Variants in DOCK2 observed in about 807,000 individuals in gnomAD.
The protein encoded by DOCK2 is dedicator of cytokinesis 2.
In DOCK2, 87 loss-of-function variants were observed where a neutral mutation model predicts 248.9. The observed-to-expected ratio is 0.35, with a 90% CI of 0.29 to 0.42. The LOEUF (loss-of-function observed/expected upper bound fraction) is 0.42, where lower values mean the gene tolerates loss of function less well. Among genes scored for constraint, DOCK2 ranks in the 10% least tolerant of loss-of-function variants. The pLI is 1.00. For missense variants in DOCK2, 1,747 were observed against 2,300.2 expected (o/e 0.76, Z 4.92); for synonymous variants, 805 against 821.6 (o/e 0.98, Z 0.35).
intron 32 of DOCK2, among the ~76,000 whole-genome samples, chr5:170,015,709 A>G (rs891345401): frequency 3.3e-5 from 5 of 151,878 alleles, no homozygotes; most frequent in African/African-American, 1.2e-4. Context: ...CTTTGGAGAG[A>G]CCTTTCTGTT....
At chr5:169,838,888 A>G (rs963226804) in intron 26 of DOCK2, among the ~76,000 whole-genome samples, 13 of 152,208 alleles carry the variant, frequency 8.5e-5, no homozygotes, top group African/African-American at 2.9e-4. Flanking sequence ...AGCCACTGAA[A>G]GTCATTGGGG....
Position 169,716,269 on chromosome 5 carries a change from T to C in DOCK2, c.1998T>C (p.Ser666=). 1 of 1,613,738 alleles carries C rather than the reference T, an allele frequency of 6.2e-7. No homozygotes were observed. The highest frequency in any genetic ancestry group is 8.5e-7 in the Non-Finnish European group (1 of 1,179,702). Residue 666 remains serine, a synonymous_variant, in exon 20 of 52, where the codon AGT becomes AGC. Transcript: ENST00000520908. ...LFNIMMEHSQ[S]DEYDILVFDA... is the part of the protein sequence containing the mutation. ...ACATCATGATGGAGCATTCTCAAAG[T>C]GATGAATATGACATCCTCGTCTTTG...
intron 9 of DOCK2, among the ~76,000 whole-genome samples, chr5:169,693,976 A>C (rs1054717440): frequency 7.9e-5 from 12 of 152,208 alleles, no homozygotes; most frequent in African/African-American, 2.9e-4. Context: ...GGTCTACAAA[A>C]TACCTTCATA....
chr5:169,732,134 AC>A (rs1445523928), intron 22 of DOCK2, among the ~76,000 whole-genome samples: 1 of 151,902 alleles, frequency 6.6e-6, no homozygotes, highest in Admixed American at 6.6e-5. Context: ...AAAACAAAAA[AC>A]AATAACCATA....
At chr5:169,948,504 C>A (rs554423960) in intron 27 of DOCK2, among the ~76,000 whole-genome samples, 1 of 152,072 alleles carries the variant, frequency 6.6e-6, no homozygotes, top group African/African-American at 2.4e-5. Context: ...TGACTATCAT[C>A]TACCTACACA....
chr5:170,028,974 C>T (rs1386930140), intron 34 of DOCK2, among the ~76,000 whole-genome samples: 1 of 152,142 alleles, frequency 6.6e-6, no homozygotes, highest in Non-Finnish European at 1.5e-5. Context: ...TTATTCATCT[C>T]TCAGTTAATG....
At chr5:169,834,420 C>T (rs34933889) in intron 26 of DOCK2, among the ~76,000 whole-genome samples, 47 of 1,866 alleles carry the variant, frequency 0.025, no homozygotes, top group Admixed American at 0.026. Flanking sequence ...AGACCACAAG[C>T]CCTACTCACA....
chr5:170,022,763 C>T (rs1323895297), intron 33 of DOCK2, among the ~76,000 whole-genome samples: 5 of 152,146 alleles, frequency 3.3e-5, no homozygotes, highest in Non-Finnish European at 7.3e-5. Flanking sequence ...AGACTGTGAG[C>T]TCTTGAGGGC....
At chr5:169,759,913 G>A in intron 24 of DOCK2, 138 bp downstream of exon 24, 2 of 885,248 alleles carry the variant, frequency 2.3e-6, no homozygotes, top group Admixed American at 5.3e-5. Context: ...ATGTTTTCAG[G>A]GTTTCCGGTG....
intron 27 of DOCK2, among the ~76,000 whole-genome samples, chr5:169,934,349 G>C (rs1159660363): frequency 2.0e-5 from 3 of 152,142 alleles, no homozygotes; most frequent in East Asian, 1.9e-4. Flanking sequence ...GTTGTCCCCG[G>C]AGTGGATCAT....
chr5:169,876,173 C>T (rs551796603), intron 27 of DOCK2, among the ~76,000 whole-genome samples: 4 of 152,314 alleles, frequency 2.6e-5, no homozygotes, highest in Middle Eastern at 3.4e-3. Context: ...TCTTTCTCTG[C>T]GGCCCTTGTG....
intron 27 of DOCK2, among the ~76,000 whole-genome samples, chr5:169,977,816 A>C (rs569698350): frequency 3.0e-4 from 45 of 152,302 alleles, no homozygotes; most frequent in African/African-American, 1.0e-3. Context: ...TAAAGCTCTA[A>C]AATGAATAGG....
At chr5:170,078,466 A>T (rs1406200213) in intron 48 of DOCK2, among the ~76,000 whole-genome samples, 2 of 152,198 alleles carry the variant, frequency 1.3e-5, no homozygotes, top group Non-Finnish European at 2.9e-5. Context: ...TGCCCAACTC[A>T]TCTGTTCTAA....
rs772090087 is a variant in DOCK2, at chr5:170,067,601, A to T, written c.4559A>T (p.Glu1520Val). Reference sequence around the variant, plus strand: ...ATGATAAACCAGTACCAGAGTGATGAGACCCTCCCCATCAACCCACTCTCC... The same window carrying T: ...ATGATAAACCAGTACCAGAGTGATGTGACCCTCCCCATCAACCCACTCTCC... ...LMMINQYQSD[E>V]TLPINPLSML... The change falls in exon 45 of 52, where the codon GAG (glutamate) becomes GTG (valine). Residue 1520 changes from glutamate to valine, a missense_variant. This residue lies in a region of DOCK2 where 513 missense variants were observed against 586.1 expected (regional missense o/e 0.88). Transcript: ENST00000520908. The T allele has an allele frequency of 1.2e-6, 2 of 1,614,186 alleles. No individual in the cohort carries two copies. Among genetic ancestry groups the T allele is most frequent in the Non-Finnish European group, 1.7e-6 (2 of 1,180,020 alleles).
At chr5:169,854,897 G>T (rs1425607276) in intron 27 of DOCK2, among the ~76,000 whole-genome samples, 2 of 152,246 alleles carry the variant, frequency 1.3e-5, no homozygotes, top group South Asian at 2.1e-4. Context: ...CCTGCACAAT[G>T]TGCTCTGGGT....
chr5:169,753,224 C>T (rs2113710099), intron 23 of DOCK2, among the ~76,000 whole-genome samples: 1 of 152,274 alleles, frequency 6.6e-6, no homozygotes, highest in South Asian at 2.1e-4. Flanking sequence ...CCATGACATA[C>T]CTGCACAGAA....
chr5:169,938,134 C>T (rs1776074862), intron 27 of DOCK2, among the ~76,000 whole-genome samples: 1 of 152,200 alleles, frequency 6.6e-6, no homozygotes, highest in South Asian at 2.1e-4. Flanking sequence ...ACAAAATGCT[C>T]CCTGCCTCTC....
chr5:169,999,093 T>G (rs1754745554), intron 30 of DOCK2, among the ~76,000 whole-genome samples: 2 of 152,336 alleles, frequency 1.3e-5, no homozygotes. Context: ...CTATTTTCCA[T>G]GCTCTTAGAT....
intron 9 of DOCK2, among the ~76,000 whole-genome samples, chr5:169,690,815 A>G (rs1286008916): frequency 6.6e-6 from 1 of 152,142 alleles, no homozygotes; most frequent in East Asian, 1.9e-4. Context: ...TGAGAATGTA[A>G]TCCTGCCTTC....
Sources: allele counts gnomAD v4.1 joint callset (sites outside exome capture counted in the v4.1 genomes callset), GRCh38; gene constraint gnomAD v4.1.1; regional missense constraint gnomAD v4.1.1; transcripts MANE v1.5; gene names NCBI Gene and HGNC (gene_info 2026-07-23, HGNC 2026-07-21).